SNX30: variants seen among roughly 807,000 people sequenced by gnomAD.
SNX30 encodes the protein sorting nexin-30.
In SNX30, 24 loss-of-function variants were observed where a neutral mutation model predicts 46.4. That is an observed-to-expected ratio of 0.52 (90% confidence interval 0.37 to 0.73). The LOEUF (loss-of-function observed/expected upper bound fraction) is 0.73, where lower values mean the gene tolerates loss of function less well. SNX30 is among the 30% of genes least tolerant of loss of function. SNX30 has a pLI of 0.00. For synonymous variants in SNX30, 189 were observed against 211.5 expected, an observed-to-expected ratio of 0.89 and a Z score of 0.92; for missense variants, 533 against 555.7, an observed-to-expected ratio of 0.96 and a Z score of 0.41.
At chr9:112,839,200 C>T (rs1840816441) in intron 6 of SNX30, among the ~76,000 whole-genome samples, 1 of 152,176 alleles carries the variant, frequency 6.6e-6, no homozygotes, top group Non-Finnish European at 1.5e-5. Flanking sequence ...CCTGAGAGAA[C>T]AGGGAAGACT....
intron 1 of SNX30, among the ~76,000 whole-genome samples, chr9:112,788,143 G>T (rs896249331): frequency 6.6e-6 from 1 of 152,168 alleles, no homozygotes; most frequent in East Asian, 1.9e-4. Context: ...GTAACCACTT[G>T]GCACCTGCTA....
chr9:112,821,145 C>T (rs1010678283), intron 3 of SNX30, among the ~76,000 whole-genome samples: 1 of 152,160 alleles, frequency 6.6e-6, no homozygotes, highest in Non-Finnish European at 1.5e-5. Flanking sequence ...TTTCCACACG[C>T]GATGTATAGG....
chr9:112,841,282 A>T (rs192044512), intron 6 of SNX30, among the ~76,000 whole-genome samples: 2 of 152,338 alleles, frequency 1.3e-5, no homozygotes, highest in African/African-American at 4.8e-5. Context: ...AGCACGATTT[A>T]AAAATGTCAT....
Position 112,850,852 on chromosome 9 carries a change from C to G in SNX30, c.1015-7C>G. ...TGTTACATGCTTCTCTCCTCTGCCT[C>G]CCACAGAGTGTATTGAAGAAGAGGG... On this transcript the variant is annotated splice_region_variant and splice_polypyrimidine_tract_variant and intron_variant, in intron 6 of 8. Transcript: ENST00000374232. 5 of 1,611,540 alleles carry G rather than the reference C, an allele frequency of 3.1e-6. No homozygotes were observed. Among genetic ancestry groups the G allele is most frequent in the Non-Finnish European group, 4.2e-6 (5 of 1,178,108 alleles).
Position 112,798,042 on chromosome 9 carries a change from G to A in SNX30, c.157-6734G>A, listed in dbSNP as rs188080306. On this transcript the variant is annotated intron_variant, in intron 1 of 8. Coordinates refer to ENST00000374232, the MANE Select transcript of SNX30 (RefSeq NM_001012994.2). ...TTTCTTAATGTTTACCTGGGCCCAC[G>A]TGGTGGTCTTGACAAAGTGGGAAAA... Among the ~76,000 whole-genome samples, 8 of 150,208 alleles carry A rather than the reference G, an allele frequency of 5.3e-5. No homozygotes were observed. In the East Asian group the frequency reaches 1.2e-3, roughly 22 times the overall value.
intron 1 of SNX30, among the ~76,000 whole-genome samples, chr9:112,790,366 CAT>C (rs1839999680): frequency 6.6e-6 from 1 of 152,188 alleles, no homozygotes; most frequent in South Asian, 2.1e-4. Flanking sequence ...GTGCAACAAA[CAT>C]GTATTTCTAG....
rs554427807 is a variant in SNX30, at chr9:112,821,318, G to A, written c.459+3503G>A. On this transcript the variant is annotated intron_variant, in intron 3 of 8. Transcript: ENST00000374232. Reference sequence around the variant, plus strand: ...TGGGCATTTGCATATCTTCCTTGGAGAAATATCAATTAAGATCCATTGCCC... The same window carrying A: ...TGGGCATTTGCATATCTTCCTTGGAAAAATATCAATTAAGATCCATTGCCC... Among the ~76,000 whole-genome samples the A allele has an allele frequency of 5.3e-5, 8 of 152,182 alleles. No homozygotes were observed. The East Asian group carries it at 1.5e-3, about 29-fold the overall frequency.
chr9:112,787,023 C>T (rs1321492799), intron 1 of SNX30, among the ~76,000 whole-genome samples: 3 of 152,134 alleles, frequency 2.0e-5, no homozygotes, highest in South Asian at 2.1e-4. Flanking sequence ...TGAGTCATGT[C>T]AGTGGGAATG....
intron 1 of SNX30, among the ~76,000 whole-genome samples, chr9:112,789,635 G>A (rs955407357): frequency 6.6e-6 from 1 of 152,236 alleles, no homozygotes; most frequent in African/African-American, 2.4e-5. Context: ...GCAGCTGAGA[G>A]TTGGGGAAAA....
At position 112,764,114 on chromosome 9, in the gene SNX30, G is replaced by C. The variant is rs372186140; in HGVS notation, c.156+12957G>C. On this transcript the variant is annotated intron_variant, in intron 1 of 8. Transcript: ENST00000374232. ...AGTAGGGTGAGACCTTGCTTTGGAG[G>C]ATGGTGGCTTTTCCAAAGAAGATGA... is the stretch of plus-strand genomic sequence containing the variant. Among the ~76,000 whole-genome samples the C allele has an allele frequency of 5.1e-4, 77 of 152,302 alleles. No homozygotes were observed. In the South Asian group the frequency reaches 6.0e-3, roughly 12 times the overall value.
At chr9:112,827,887 G>T (rs1172712497) in intron 3 of SNX30, among the ~76,000 whole-genome samples, 1 of 152,166 alleles carries the variant, frequency 6.6e-6, no homozygotes, top group Non-Finnish European at 1.5e-5. Context: ...AGACCTGCTT[G>T]GCCAACGTTG....
chr9:112,865,158 A>G (rs1405318835), intron 8 of SNX30, among the ~76,000 whole-genome samples: 1 of 107,162 alleles, frequency 9.3e-6, no homozygotes, highest in Non-Finnish European at 1.8e-5. Flanking sequence ...TACACACCCC[A>G]CACACAACCC....
chr9:112,854,209 G>A (rs1416535481), intron 7 of SNX30, among the ~76,000 whole-genome samples: 1 of 152,232 alleles, frequency 6.6e-6, no homozygotes, highest in Non-Finnish European at 1.5e-5. Flanking sequence ...GCTGCTGGAA[G>A]CACACACCAG....
chr9:112,821,707 C>T (rs915770313), intron 3 of SNX30, among the ~76,000 whole-genome samples: 4 of 151,822 alleles, frequency 2.6e-5, no homozygotes, highest in Non-Finnish European at 1.5e-5. Flanking sequence ...AGGATGGTCT[C>T]CATCTCCTGA....
intron 1 of SNX30, among the ~76,000 whole-genome samples, chr9:112,764,575 G>A (rs1186294105): frequency 6.6e-6 from 1 of 152,018 alleles, no homozygotes; most frequent in African/African-American, 2.4e-5. Context: ...TTTTAAGCGG[G>A]GGAGGAACAG....
intron 4 of SNX30, 53 bp from the exon 5 acceptor site, chr9:112,836,161 C>T (rs1840747365): frequency 1.3e-6 from 2 of 1,493,092 alleles, no homozygotes; most frequent in South Asian, 1.3e-5. Flanking sequence ...TTTATTTAGT[C>T]CTGCCCATGT....
rs1264118050 is a variant in SNX30 at position 112,795,191 on chromosome 9, T to A, written c.157-9585T>A. On this transcript the variant is annotated intron_variant, in intron 1 of 8. Transcript: ENST00000374232. Reference sequence around the variant, plus strand: ...GTGTGTGTGTCTGTGTGTGTGTGTATGAGAGAGAGAGAATAGTGATACAGC... The same window carrying A: ...GTGTGTGTGTCTGTGTGTGTGTGTAAGAGAGAGAGAGAATAGTGATACAGC... Among the ~76,000 whole-genome samples, 3 of 152,022 alleles carry A rather than the reference T, an allele frequency of 2.0e-5. No individual in the cohort carries two copies. In the South Asian group the frequency reaches 6.2e-4, roughly 32 times the overall value.
At chr9:112,751,301 T>C in intron 1 of SNX30, 144 bp downstream of exon 1, 3 of 1,090,448 alleles carry the variant, frequency 2.8e-6, no homozygotes, top group Non-Finnish European at 3.6e-6. Flanking sequence ...CCCGGAGCCC[T>C]CGGCGAAGCG....
chr9:112,766,611 C>G (rs534169588), intron 1 of SNX30, among the ~76,000 whole-genome samples: 3 of 152,304 alleles, frequency 2.0e-5, no homozygotes, highest in South Asian at 4.1e-4. Context: ...TAAATGACTG[C>G]TGCCATTCTC....
Sources: allele counts gnomAD v4.1 joint callset (sites outside exome capture counted in the v4.1 genomes callset), GRCh38; gene constraint gnomAD v4.1.1; transcripts MANE v1.5; gene names NCBI Gene and HGNC (gene_info 2026-07-23, HGNC 2026-07-21).